Variants in GALNT14 observed in about 807,000 individuals in gnomAD.
The protein encoded by GALNT14 is UDP-GalNAc:polypeptide N-acetylgalactosaminyltransferase 14.
GALNT14 carries 60 observed loss-of-function variants against 77.5 expected under a neutral mutation model. The ratio of observed to expected loss-of-function variants is 0.77; its 90% CI spans 0.63 to 0.96. The LOEUF (loss-of-function observed/expected upper bound fraction) is 0.96. Ranked by LOEUF, GALNT14 falls within the 40% of genes least tolerant of loss-of-function variation. The pLI, the probability that GALNT14 is intolerant of heterozygous loss-of-function variation, is 0.00. For synonymous variants in GALNT14, 280 were observed against 281.7 expected, an observed-to-expected ratio of 0.99 and a Z score of 0.06; for missense variants, 710 against 731.0, an observed-to-expected ratio of 0.97 and a Z score of 0.33.
intron 2 of GALNT14, among the ~76,000 whole-genome samples, chr2:30,971,061 G>A (rs1668323129): frequency 1.3e-5 from 2 of 152,108 alleles, no homozygotes; most frequent in African/African-American, 2.4e-5. Context: ...CCCTACACAC[G>A]AGTCATCTGT....
intron 1 of GALNT14, among the ~76,000 whole-genome samples, chr2:31,093,484 T>C (rs1676856434): frequency 5.3e-5 from 8 of 152,196 alleles, no homozygotes; most frequent in Admixed American, 4.6e-4. Context: ...AATCTAAGGT[T>C]CTATTAGCCA....
chr2:31,058,727 C>T (rs1027322756), intron 1 of GALNT14, among the ~76,000 whole-genome samples: 1 of 152,200 alleles, frequency 6.6e-6, no homozygotes, highest in African/African-American at 2.4e-5. Flanking sequence ...CTTTCATACA[C>T]AACGTCCCAT....
intron 1 of GALNT14, chr2:31,129,719 AGGTGGGG>A: frequency 3.5e-6 from 1 of 285,058 alleles, no homozygotes; most frequent in Non-Finnish European, 5.1e-6. Context: ...TATGGCTGGG[AGGTGGGG>A]GGTGGGAGGG....
intron 1 of GALNT14, among the ~76,000 whole-genome samples, chr2:31,036,996 G>A (rs756552409): frequency 6.6e-6 from 1 of 152,136 alleles, no homozygotes; most frequent in Non-Finnish European, 1.5e-5. Context: ...TCTGGAGTCT[G>A]TTGAACTTCT....
intron 1 of GALNT14, among the ~76,000 whole-genome samples, chr2:31,003,045 C>T (rs1473698957): frequency 6.6e-6 from 1 of 152,182 alleles, no homozygotes; most frequent in Non-Finnish European, 1.5e-5. Flanking sequence ...TGCTCTAACT[C>T]ACTTTAGAAG....
At chr2:30,927,087 G>T (rs1665432648) in intron 11 of GALNT14, among the ~76,000 whole-genome samples, 1 of 152,156 alleles carries the variant, frequency 6.6e-6, no homozygotes, top group African/African-American at 2.4e-5. Context: ...CGGGGATCAG[G>T]GAGAGAATGG....
At chr2:31,015,764 G>C (rs12988326) in intron 1 of GALNT14, among the ~76,000 whole-genome samples, 33,931 of 152,138 alleles carry the variant, frequency 0.22, 4,556 homozygotes, top group African/African-American at 0.36. Context: ...AAACCCAATG[G>C]AGAGACATTC....
intron 2 of GALNT14, among the ~76,000 whole-genome samples, chr2:30,983,989 C>T (rs1315395702): frequency 1.3e-5 from 2 of 152,194 alleles, no homozygotes; most frequent in Non-Finnish European, 2.9e-5. Flanking sequence ...CTCTCTGAGC[C>T]CGGGTCCCCT....
At chr2:30,965,512 A>T (rs62139557) in intron 3 of GALNT14, among the ~76,000 whole-genome samples, 28,611 of 151,584 alleles carry the variant, frequency 0.19, 2,882 homozygotes, top group East Asian at 0.37. Flanking sequence ...GGGGGAGGAA[A>T]TCCTGGGTAA....
chr2:30,905,580 T>G (rs1664120183), downstream of GALNT14, among the ~76,000 whole-genome samples: 1 of 152,006 alleles, frequency 6.6e-6, no homozygotes, highest in Admixed American at 6.6e-5. Flanking sequence ...CAAATCTATG[T>G]CTGATTGGTG....
intron 1 of GALNT14, among the ~76,000 whole-genome samples, chr2:31,035,618 TACACACACACACAC>T (rs530565205): frequency 3.9e-5 from 2 of 51,284 alleles, no homozygotes; most frequent in Non-Finnish European, 7.8e-5. Context: ...CACACACACC[TACACACACACACAC>T]ACACACACAC....
chr2:31,096,613 C>T (rs989085263), intron 1 of GALNT14, among the ~76,000 whole-genome samples: 8 of 152,168 alleles, frequency 5.3e-5, no homozygotes, highest in Non-Finnish European at 1.0e-4. Context: ...AGGGAAGATG[C>T]TACCATTATC....
intron 1 of GALNT14, among the ~76,000 whole-genome samples, chr2:30,997,200 C>T (rs996743390): frequency 4.6e-5 from 7 of 152,068 alleles, no homozygotes; most frequent in Admixed American, 2.0e-4. Flanking sequence ...TACTGAGGGT[C>T]GGTAGGCAGA....
At chr2:31,128,638 C>T (rs909669397) in intron 1 of GALNT14, among the ~76,000 whole-genome samples, 3 of 152,184 alleles carry the variant, frequency 2.0e-5, no homozygotes, top group African/African-American at 7.2e-5. Flanking sequence ...CCTGCAGGCC[C>T]AGGAGGGAGG....
At chr2:31,133,569 T>A (rs558620142) in intron 1 of GALNT14, among the ~76,000 whole-genome samples, 1 of 152,314 alleles carries the variant, frequency 6.6e-6, no homozygotes, top group South Asian at 2.1e-4. Flanking sequence ...CCTTGAAAAT[T>A]ACCCTCAGGC....
Position 31,113,255 on chromosome 2 carries a change from G to C in GALNT14, c.129+24703C>G, listed in dbSNP as rs567786250. 9.9e-5 allele frequency among the ~76,000 whole-genome samples: 15 copies of C among 152,226 alleles called. 1 individual carries two copies. In the South Asian group the frequency reaches 2.7e-3, roughly 27 times the overall value. On this transcript the variant is annotated intron_variant, in intron 1 of 14. Transcript: ENST00000349752. The stretch of plus-strand genomic sequence containing the variant: ...CTCTCTCAGCACCAATTCAACTGCA[G>C]GGAGCCACTGAGAGCAGCACACAGG...
rs145287150 is a variant in GALNT14 at position 31,106,590 on chromosome 2, C to T, written c.129+31368G>A. On this transcript the variant is annotated intron_variant, in intron 1 of 14. Transcript: ENST00000349752. ...ATTTCACCACCTCTTGCCATTTTGT[C>T]ATCCTTTCCCAAGCATTTACCTCTG... 2.3e-3 allele frequency among the ~76,000 whole-genome samples: 346 copies of T among 152,252 alleles called. 1 individual carries two copies. Among genetic ancestry groups the T allele is most frequent in the African/African-American group, 8.0e-3 (331 of 41,550 alleles).
chr2:31,072,301 A>ACG, intron 1 of GALNT14, among the ~76,000 whole-genome samples: 1 of 39,804 alleles, frequency 2.5e-5, no homozygotes, highest in East Asian at 5.0e-4. Context: ...ACACACACAC[A>ACG]CATACACACA....
chr2:30,988,159 C>T (rs1669434811), intron 2 of GALNT14, among the ~76,000 whole-genome samples: 1 of 152,132 alleles, frequency 6.6e-6, no homozygotes, highest in African/African-American at 2.4e-5. Flanking sequence ...GTTACCCTCC[C>T]TTTCATTTGT....
Sources: allele counts gnomAD v4.1 joint callset (sites outside exome capture counted in the v4.1 genomes callset), GRCh38; gene constraint gnomAD v4.1.1; transcripts MANE v1.5; gene names NCBI Gene and HGNC (gene_info 2026-07-23, HGNC 2026-07-21).